Variants in LRRC43 observed in about 807,000 individuals in gnomAD.
LRRC43 encodes the protein leucine rich repeat containing 43.
In LRRC43, 62 loss-of-function variants were observed where a neutral mutation model predicts 64.3. The ratio of observed to expected loss-of-function variants is 0.96; its 90% CI spans 0.79 to 1.19. The LOEUF (loss-of-function observed/expected upper bound fraction) is 1.19. Ranked by LOEUF, LRRC43 falls within the 50% of genes most tolerant of loss-of-function variation. The pLI is 0.00. For synonymous variants in LRRC43, 422 were observed against 382.3 expected (o/e 1.10, Z -1.21); for missense variants, 868 against 845.0 (o/e 1.03, Z -0.34).
At chr12:122,196,907 A>G (rs759993196) in intron 7 of LRRC43, among the ~76,000 whole-genome samples, 2 of 152,226 alleles carry the variant, frequency 1.3e-5, no homozygotes, top group African/African-American at 4.8e-5. Flanking sequence ...ACATAGACTT[A>G]GAAAGTGTGG....
intron 1 of LRRC43, among the ~76,000 whole-genome samples, chr12:122,173,354 G>A (rs1045462002): frequency 6.6e-6 from 1 of 152,212 alleles, no homozygotes; most frequent in African/African-American, 2.4e-5. Flanking sequence ...CCAATTTTAT[G>A]AATTGTTTCC....
At chr12:122,183,417 T>G in intron 1 of LRRC43, 123 bp downstream of exon 1, 4 of 1,081,142 alleles carry the variant, frequency 3.7e-6, no homozygotes, top group Non-Finnish European at 4.9e-6. Flanking sequence ...GCCGCCGACA[T>G]GGGGGCGGGT....
chr12:122,175,154 T>TTTTCTTTCTTTCTTTCTTTCTTTCTTTC (rs536364664), intron 1 of LRRC43, among the ~76,000 whole-genome samples: 20 of 151,114 alleles, frequency 1.3e-4, no homozygotes, highest in African/African-American at 4.2e-4. Flanking sequence ...ACTTTATTGC[T>TTTTCTTTCTTTCTTTCTTTCTTTCTTTC]TTTCTTTCTT....
chr12:122,185,184 G>A lies in LRRC43; in HGVS notation c.411+405G>A, dbSNP rs1392019220. Among the ~76,000 whole-genome samples, 3 of 152,278 alleles carry A rather than the reference G, an allele frequency of 2.0e-5. No individual in the cohort carries two copies. The East Asian group carries it at 5.8e-4, about 29-fold the overall frequency. ...ATTCTTTGTTTACATCAGTAGCAGA[G>A]CCCAGTCTCGGCATGGTGGCTCTCT... On this transcript the variant is annotated intron_variant, in intron 2 of 11. Transcript: ENST00000339777.
Position 122,197,476 on chromosome 12 carries a change from G to A in LRRC43, c.1350-2713G>A, listed in dbSNP as rs559314840. On this transcript the variant is annotated intron_variant, in intron 7 of 11. Transcript: ENST00000339777. ...CACCGCGCCTGGCCCCCTTTCATGG[G>A]CTGACCCCTCCTCTACATCCTGTTC... 5.3e-5 allele frequency among the ~76,000 whole-genome samples: 8 copies of A among 152,126 alleles called. No individual in the cohort carries two copies. In the South Asian group the frequency reaches 1.7e-3, roughly 32 times the overall value.
intron 1 of LRRC43, among the ~76,000 whole-genome samples, chr12:122,169,073 C>T (rs772485109): frequency 7.7e-4 from 117 of 152,280 alleles, no homozygotes; most frequent in Middle Eastern, 3.4e-3. Flanking sequence ...CGTGGGCTCA[C>T]TGGCCAGAGG....
At chr12:122,171,588 TG>T (rs1178207733) in intron 1 of LRRC43, among the ~76,000 whole-genome samples, 6 of 151,618 alleles carry the variant, frequency 4.0e-5, no homozygotes, top group Non-Finnish European at 7.4e-5. Context: ...TCCGAAACTC[TG>T]GCCCCAAGCA....
chr12:122,178,382 G>A (rs886610445), upstream of LRRC43, among the ~76,000 whole-genome samples: 36 of 152,102 alleles, frequency 2.4e-4, 1 homozygote, highest in Middle Eastern at 3.4e-3. Flanking sequence ...GTGTCCACCC[G>A]TGATCTGGAT....
At position 122,184,479 on chromosome 12, in the gene LRRC43, T is replaced by C. The variant is rs755987347; in HGVS notation, c.151-40T>C. 22 of 1,603,024 alleles carry C rather than the reference T, an allele frequency of 1.4e-5. No individual in the cohort carries two copies. The highest frequency in any genetic ancestry group is 1.4e-5 in the Non-Finnish European group (17 of 1,174,166). On this transcript the variant is annotated intron_variant, in intron 1 of 11. Coordinates refer to ENST00000339777, the MANE Select transcript of LRRC43 (RefSeq NM_001098519.2). This position sits in a 1 kb window ranked among gnomAD's most constrained non-coding sequence, Gnocchi z 4.0. ...GAGAGTTTGGTGTCCTTAAGGGGGC[T>C]GTGTCACACCTACAGAAAATCCCTC...
intron 5 of LRRC43, among the ~76,000 whole-genome samples, chr12:122,190,603 C>G (rs1331187956): frequency 1.3e-5 from 2 of 152,194 alleles, no homozygotes; most frequent in African/African-American, 2.4e-5. Flanking sequence ...TGGCTAACGC[C>G]TGTAATCCCA....
In LRRC43 at chr12:122,189,938, C is replaced by T. The variant is rs749073403; in HGVS notation, c.663-192C>T. On this transcript the variant is annotated intron_variant, in intron 4 of 11. Transcript: ENST00000339777. ...TCCAACTGTGAGGGTGGCAGTGCTA[C>T]GGAGAGTGGAGATGAAGAGCCAGGC... 1.0e-3 allele frequency: 682 copies of T among 655,828 alleles called. 2 individuals carry two copies. Among genetic ancestry groups the T allele is most frequent in the Middle Eastern group, 8.6e-4 (2 of 2,332 alleles). 40.6% of individuals were successfully genotyped at this position (655,828 alleles called of 1,614,324 possible).
At chr12:122,179,829 G>T (rs1358332111), upstream of LRRC43, among the ~76,000 whole-genome samples, 4 of 151,530 alleles carry the variant, frequency 2.6e-5, no homozygotes, top group African/African-American at 4.8e-5. Context: ...AAATTAGCTG[G>T]GTGTGGTGGC....
intron 7 of LRRC43, among the ~76,000 whole-genome samples, chr12:122,199,561 C>A (rs553427484): frequency 6.6e-6 from 1 of 151,660 alleles, no homozygotes; most frequent in Non-Finnish European, 1.5e-5. Flanking sequence ...GGATTACAGG[C>A]GTGAGTCACC....
chr12:122,183,309 G>T lies in LRRC43; in HGVS notation c.150+15G>T. 6.7e-7 allele frequency: 1 copy of T among 1,483,806 alleles called. No homozygotes were observed. Among genetic ancestry groups the T allele is most frequent in the South Asian group, 1.4e-5 (1 of 73,184 alleles). The allele number at this position is 1,483,806 out of a possible 1,614,324, so 91.9% of individuals were successfully genotyped here. ...CCGGCAGCTGGGTGCGGGCGCCGGG[G>T]CCGGAACTCTGGGGGCCTGGACCGG... is the stretch of plus-strand genomic sequence containing the variant. On this transcript the variant is annotated intron_variant, in intron 1 of 11. Coordinates refer to ENST00000339777, the MANE Select transcript of LRRC43 (RefSeq NM_001098519.2).
chr12:122,193,245 G>A (rs1202330450), intron 7 of LRRC43, among the ~76,000 whole-genome samples: 1 of 151,894 alleles, frequency 6.6e-6, no homozygotes, highest in Non-Finnish European at 1.5e-5. Flanking sequence ...GCCAGGCGTG[G>A]TGGCAGGCGC....
chr12:122,199,518 G>A (rs1182446839), intron 7 of LRRC43, among the ~76,000 whole-genome samples: 3 of 151,620 alleles, frequency 2.0e-5, no homozygotes, highest in South Asian at 2.1e-4. Context: ...TCCTGACCTC[G>A]TGATCTGCCT....
intron 7 of LRRC43, among the ~76,000 whole-genome samples, chr12:122,193,337 T>C (rs1476266057): frequency 1.5e-4 from 19 of 129,210 alleles, no homozygotes; most frequent in Admixed American, 7.7e-4. Flanking sequence ...GCCGAGATCG[T>C]GCCACTGCGC....
upstream of LRRC43, among the ~76,000 whole-genome samples, chr12:122,178,886 C>T (rs767591340): frequency 3.9e-5 from 6 of 151,972 alleles, no homozygotes; most frequent in Non-Finnish European, 8.8e-5. Context: ...GGATTATAGG[C>T]GTGAGCCATG....
Position 122,200,198 on chromosome 12 carries a change from C to A in LRRC43, c.1359C>A (p.Leu453=). 1 of 1,613,932 alleles carries A rather than the reference C, an allele frequency of 6.2e-7. No homozygotes were observed. Among genetic ancestry groups the A allele is most frequent in the Non-Finnish European group, 8.5e-7 (1 of 1,179,908 alleles). ...PRLCPSPGTV[L]FSTAHKPWAE... is the part of the protein sequence containing the mutation. The stretch of plus-strand genomic sequence containing the variant: ...TCCCTCCCTCCCCAAGGACTGTCCT[C>A]TTCAGCACTGCCCACAAGCCCTGGG... Residue 453 remains leucine (L), a synonymous_variant, in exon 8 of 12, where the codon CTC becomes CTA. Transcript: ENST00000339777. The surrounding 1 kb of genome is among the most constrained non-coding windows in gnomAD (Gnocchi z 4.6).
Sources: gnomAD v4.1 joint callset for allele counts (sites outside exome capture counted in the v4.1 genomes callset) on GRCh38, gnomAD v4.1.1 for gene constraint, Gnocchi (gnomAD v3.1) non-coding constraint, MANE v1.5 for transcripts, NCBI Gene and HGNC (gene_info 2026-07-23, HGNC 2026-07-21) for gene names.